CEP95: variants seen among roughly 807,000 people sequenced by gnomAD.
CEP95 encodes the protein centrosomal protein 95.
CEP95 carries 98 observed loss-of-function variants against 111.2 expected under a neutral mutation model. The observed-to-expected ratio is 0.88, with a 90% CI of 0.75 to 1.04. CEP95 has a LOEUF of 1.04. Ranked by LOEUF, CEP95 falls within the 50% of genes least tolerant of loss-of-function variation. CEP95 has a pLI of 0.00. For missense variants in CEP95, 1,027 were observed against 977.2 expected, an observed-to-expected ratio of 1.05 and a Z score of -0.68; for synonymous variants, 323 against 327.1, an observed-to-expected ratio of 0.99 and a Z score of 0.14.
chr17:64,519,284 C>T, intron 5 of CEP95, 37 bp from the exon 6 acceptor site: 1 of 1,446,034 alleles, frequency 6.9e-7, no homozygotes, highest in Non-Finnish European at 9.7e-7. Flanking sequence ...GCCCTCTGGT[C>T]AGGCTGGGCC....
intron 3 of CEP95, among the ~76,000 whole-genome samples, chr17:64,510,795 C>T (rs1409806468): frequency 6.6e-6 from 1 of 152,218 alleles, no homozygotes; most frequent in South Asian, 2.1e-4. Context: ...AGCTGATCCA[C>T]CTGGCTCCAC....
chr17:64,525,654 CACGGAG>C (rs1331693518), intron 8 of CEP95, 110 bp from the exon 9 acceptor site: 1 of 626,406 alleles, frequency 1.6e-6, no homozygotes, highest in Non-Finnish European at 2.7e-6. Context: ...CACTTCAAAA[CACGGAG>C]ATTGAAGGCA....
At chr17:64,529,077 T>C (rs1163887427) in intron 11 of CEP95, among the ~76,000 whole-genome samples, 7 of 152,332 alleles carry the variant, frequency 4.6e-5, no homozygotes, top group African/African-American at 1.7e-4. Context: ...CAAAGTTGAA[T>C]GTAGAAGCTA....
intron 13 of CEP95, chr17:64,531,225 AAGT>A (rs1389699863): frequency 5.1e-6 from 2 of 389,210 alleles, no homozygotes; most frequent in African/African-American, 4.2e-5. Context: ...TTCCAAAGAA[AAGT>A]AGTGTTTTTC....
intron 3 of CEP95, among the ~76,000 whole-genome samples, chr17:64,512,596 T>C (rs2038953711): frequency 6.6e-6 from 1 of 152,248 alleles, no homozygotes; most frequent in South Asian, 2.1e-4. Flanking sequence ...AGAGGATTTA[T>C]ACTGTTGATT....
Position 64,529,284 on chromosome 17 carries a change from G to A in CEP95, c.1307-4G>A. Reference sequence around the variant, plus strand: ...TAATGTTATATGTCTTTTCTCTGTTGCAGGACTTTCCATGCGTAGAAAGCC... The same window carrying A: ...TAATGTTATATGTCTTTTCTCTGTTACAGGACTTTCCATGCGTAGAAAGCC... On this transcript the variant is annotated splice_region_variant and splice_polypyrimidine_tract_variant and intron_variant, in intron 11 of 19. Coordinates refer to ENST00000556440, the MANE Select transcript of CEP95 (RefSeq NM_138363.3). 1.2e-6 allele frequency: 2 copies of A among 1,609,506 alleles called. No homozygotes were observed. The highest frequency in any genetic ancestry group is 1.1e-5 in the South Asian group (1 of 90,336).
Position 64,537,626 on chromosome 17 carries a change from G to C in CEP95, c.2313G>C (p.Glu771Asp). The change falls in exon 20 of 20, where the codon GAG becomes GAC. Residue 771 changes from glutamate to aspartate, a missense_variant. Transcript: ENST00000556440. ...QAQTLHKVKR[E>D]LRSKMEKEIQ... is the part of the protein sequence containing the mutation. ...AGACATTACATAAGGTGAAGAGGGA[G>C]CTGAGATCTAAGATGGAGAAGGAAA... 6.2e-7 allele frequency: 1 copy of C among 1,609,760 alleles called. No homozygotes were observed. Among genetic ancestry groups the C allele is most frequent in the Non-Finnish European group, 8.5e-7 (1 of 1,177,314 alleles).
intron 14 of CEP95, 24 bp downstream of exon 14, chr17:64,532,046 T>TA: frequency 6.6e-7 from 1 of 1,523,844 alleles, no homozygotes; most frequent in Non-Finnish European, 8.8e-7. Flanking sequence ...AATTGTACTT[T>TA]ATGGAAAACT....
chr17:64,523,294 T>C (rs1163467867), intron 8 of CEP95, among the ~76,000 whole-genome samples: 1 of 152,190 alleles, frequency 6.6e-6, no homozygotes, highest in Non-Finnish European at 1.5e-5. Flanking sequence ...TTATTTATTG[T>C]TGGGAAGCTG....
chr17:64,523,293 G>T (rs1004502642), intron 8 of CEP95, among the ~76,000 whole-genome samples: 8 of 152,072 alleles, frequency 5.3e-5, no homozygotes, highest in African/African-American at 1.9e-4. Flanking sequence ...TTTATTTATT[G>T]TTGGGAAGCT....
At chr17:64,534,803 T>G in intron 17 of CEP95, 66 bp downstream of exon 17, 1 of 1,547,446 alleles carries the variant, frequency 6.5e-7, no homozygotes, top group Non-Finnish European at 8.8e-7. Context: ...AGGACCACCT[T>G]CTTTGTTCGT....
intron 2 of CEP95, among the ~76,000 whole-genome samples, chr17:64,509,003 G>A (rs879986351): frequency 1.3e-5 from 2 of 152,036 alleles, no homozygotes; most frequent in Non-Finnish European, 2.9e-5. Context: ...TCAGTTTGAG[G>A]GCTCCTGATA....
At chr17:64,507,411 TTC>T in intron 1 of CEP95, 1 of 1,367,506 alleles carries the variant, frequency 7.3e-7, no homozygotes, top group Non-Finnish European at 9.4e-7. Flanking sequence ...GGACTTGTCT[TTC>T]TGTGGGGCGT....
intron 7 of CEP95, among the ~76,000 whole-genome samples, chr17:64,522,007 C>G (rs1293254471): frequency 1.3e-5 from 2 of 152,034 alleles, no homozygotes; most frequent in Non-Finnish European, 2.9e-5. Flanking sequence ...TAGGCGCTTG[C>G]TACCACGCCC....
At chr17:64,514,110 C>G in intron 3 of CEP95, 138 bp from the exon 4 acceptor site, 1 of 442,492 alleles carries the variant, frequency 2.3e-6, no homozygotes, top group Admixed American at 3.9e-5. Flanking sequence ...TTTATTTAAT[C>G]TCCAAGGAGC....
At chr17:64,527,775 T>G (rs1225710544) in intron 11 of CEP95, among the ~76,000 whole-genome samples, 6 of 151,816 alleles carry the variant, frequency 4.0e-5, no homozygotes, top group African/African-American at 1.5e-4. Flanking sequence ...GTGTGTCACT[T>G]TTGTGTGGGT....
intron 2 of CEP95, among the ~76,000 whole-genome samples, chr17:64,509,580 G>A (rs557122787): frequency 6.6e-6 from 1 of 152,322 alleles, no homozygotes; most frequent in East Asian, 1.9e-4. Flanking sequence ...AGCTACTTGG[G>A]AGGCTGAGGC....
intron 3 of CEP95, among the ~76,000 whole-genome samples, chr17:64,512,774 G>A (rs981879223): frequency 2.0e-5 from 3 of 152,092 alleles, no homozygotes; most frequent in Non-Finnish European, 4.4e-5. Flanking sequence ...AAATCAGTTC[G>A]GAGATAATTT....
Position 64,526,145 on chromosome 17 carries a change from A to C in CEP95, c.1097A>C (p.Gln366Pro). 1 of 1,613,794 alleles carries C rather than the reference A, an allele frequency of 6.2e-7. No homozygotes were observed. ...AGGCCAAGAAAGAGATTAACAGAAC[A>C]AGAATTACATGATGTATCAGAAAAA... is the stretch of plus-strand genomic sequence containing the variant. The part of the protein sequence containing the change: ...PQRPRKRLTE[Q>P]ELHDVSEKLS... The change falls in exon 10 of 20, where the codon CAA (glutamine) becomes CCA (proline). Residue 366 changes from glutamine (Q) to proline (P), a missense_variant. Gln to Pro is a moderately conservative substitution (Grantham distance 76, BLOSUM62 -1). Coordinates refer to ENST00000556440, the MANE Select transcript of CEP95 (RefSeq NM_138363.3).
Sources: gnomAD v4.1 joint callset for allele counts (sites outside exome capture counted in the v4.1 genomes callset) on GRCh38, gnomAD v4.1.1 for gene constraint, MANE v1.5 for transcripts, NCBI Gene and HGNC (gene_info 2026-07-23, HGNC 2026-07-21) for gene names.